Variants in HTR2C observed in about 807,000 individuals in gnomAD.
The protein encoded by HTR2C is 5-hydroxytryptamine receptor 2C, also known as 5-hydroxytryptamine (serotonin) receptor 2C, G protein-coupled.
Under a neutral mutation model 21.0 loss-of-function variants are expected in HTR2C, and 5 were observed. The observed-to-expected ratio is 0.24, with a 90% CI of 0.12 to 0.50. The LOEUF (loss-of-function observed/expected upper bound fraction) is 0.50. Among genes scored for constraint, HTR2C ranks in the 20% least tolerant of loss-of-function variants. The pLI, the probability that HTR2C is intolerant of heterozygous loss-of-function variation, is 0.98. For missense variants in HTR2C, 271 were observed against 371.2 expected (o/e 0.73, Z 2.22); for synonymous variants, 150 against 145.3 (o/e 1.03, Z -0.23).
rs782646883 is a variant in HTR2C at position 114,647,830 on chromosome X, A to G, written c.-80+33949A>G. Among the ~76,000 whole-genome samples the G allele has an allele frequency of 1.8e-4, 20 of 111,571 alleles. No homozygotes were observed. The South Asian group carries it at 7.2e-3, about 40-fold the overall frequency. On this transcript the variant is annotated intron_variant, in intron 2 of 5. Transcript: ENST00000276198. ...CATAAAAAGAGGTCAGAGACATTGCAGGCAGAGGACATAGCATGTGCCAAA... is the reference window on the plus strand; with the variant it reads ...CATAAAAAGAGGTCAGAGACATTGCGGGCAGAGGACATAGCATGTGCCAAA...
At chrX:114,626,127 G>A (rs782427506) in intron 2 of HTR2C, among the ~76,000 whole-genome samples, 69 of 109,945 alleles carry the variant, frequency 6.3e-4, no homozygotes, top group African/African-American at 2.0e-3. Flanking sequence ...TGATATTTAC[G>A]GTAGCTCTTC....
At chrX:114,849,685 G>T (rs1447936164) in intron 5 of HTR2C, among the ~76,000 whole-genome samples, 1 of 111,920 alleles carries the variant, frequency 8.9e-6, no homozygotes, top group Non-Finnish European at 1.9e-5. Flanking sequence ...CATAGACATG[G>T]AATTCAGCCC....
chrX:114,878,157 T>G (rs1198288666), intron 5 of HTR2C, among the ~76,000 whole-genome samples: 1 of 110,808 alleles, frequency 9.0e-6, no homozygotes, highest in African/African-American at 3.3e-5. Context: ...AGCATATATA[T>G]TTACCATTGT....
chrX:114,675,992 C>T (rs1931547361), intron 2 of HTR2C, among the ~76,000 whole-genome samples: 1 of 108,593 alleles, frequency 9.2e-6, no homozygotes, highest in Non-Finnish European at 1.9e-5. Flanking sequence ...GCCTCGGCCC[C>T]CCAAGTAGTT....
intron 4 of HTR2C, among the ~76,000 whole-genome samples, chrX:114,761,338 T>A: frequency 9.0e-6 from 1 of 110,989 alleles, no homozygotes; most frequent in Non-Finnish European, 1.9e-5. Flanking sequence ...AAGGGTTGTT[T>A]TTTATCAAAA....
At chrX:114,845,825 C>T (rs1556467207) in intron 4 of HTR2C, among the ~76,000 whole-genome samples, 1 of 108,303 alleles carries the variant, frequency 9.2e-6, no homozygotes, top group African/African-American at 3.4e-5. Context: ...GCCTAGGCAA[C>T]ATGGTGAAAA....
At chrX:114,756,470 A>G (rs2069814733) in intron 4 of HTR2C, among the ~76,000 whole-genome samples, 1 of 111,982 alleles carries the variant, frequency 8.9e-6, no homozygotes, top group Non-Finnish European at 1.9e-5. Flanking sequence ...AAGCTGTGGT[A>G]CCTCCATACC....
At chrX:114,885,929 T>G (rs909651514) in intron 5 of HTR2C, among the ~76,000 whole-genome samples, 5 of 111,621 alleles carry the variant, frequency 4.5e-5, no homozygotes, top group East Asian at 2.8e-4. Context: ...TGACTACTTG[T>G]TCTTTAAAAT....
Position 114,595,375 on chromosome X carries a change from G to A in HTR2C, c.-147+10716G>A, listed in dbSNP as rs1927791200. On this transcript the variant is annotated intron_variant, in intron 1 of 5. Transcript: ENST00000276198. Reference sequence around the variant, plus strand: ...TGGAACTGTAGGTGTGTGTCACCGTGCCCAGGTTGTTGTTGTTGTTGTTGT... The same window carrying A: ...TGGAACTGTAGGTGTGTGTCACCGTACCCAGGTTGTTGTTGTTGTTGTTGT... Among the ~76,000 whole-genome samples the A allele has an allele frequency of 9.3e-5, 5 of 53,709 alleles. No homozygotes were observed. In the South Asian group the frequency reaches 7.1e-3, roughly 77 times the overall value. 46.6% of individuals were successfully genotyped at this position (53,709 alleles called of 115,157 possible).
chrX:114,699,017 G>A (rs1556416300), intron 2 of HTR2C, among the ~76,000 whole-genome samples: 1 of 111,539 alleles, frequency 9.0e-6, no homozygotes, highest in African/African-American at 3.3e-5. Context: ...ATTAAAAGTG[G>A]CCACAGAGGG....
chrX:114,666,865 T>C (rs1459824187), intron 2 of HTR2C, among the ~76,000 whole-genome samples: 4 of 111,930 alleles, frequency 3.6e-5, no homozygotes, highest in African/African-American at 1.3e-4. Flanking sequence ...TATGCTTGTC[T>C]TGAATAATCT....
intron 4 of HTR2C, among the ~76,000 whole-genome samples, chrX:114,737,641 AAAAT>A (rs1379189151): frequency 8.9e-6 from 1 of 112,379 alleles, no homozygotes; most frequent in African/African-American, 3.2e-5. Flanking sequence ...ATCATAGAAA[AAAAT>A]AAATTTTGTA....
chrX:114,716,439 T>C (rs782537731), intron 2 of HTR2C, among the ~76,000 whole-genome samples: 3 of 111,404 alleles, frequency 2.7e-5, no homozygotes, highest in South Asian at 7.4e-4. Context: ...ATTTAGTAAA[T>C]ACAAATGAGG....
intron 2 of HTR2C, among the ~76,000 whole-genome samples, chrX:114,671,331 A>G (rs1447158893): frequency 4.4e-5 from 5 of 112,479 alleles, no homozygotes; most frequent in African/African-American, 1.6e-4. Context: ...GCAATTAAAT[A>G]GAAATATAGT....
intron 4 of HTR2C, among the ~76,000 whole-genome samples, chrX:114,847,571 A>C (rs1420992747): frequency 1.1e-5 from 1 of 89,850 alleles, no homozygotes; most frequent in Non-Finnish European, 2.2e-5. Flanking sequence ...CATGTACCCT[A>C]AAACTTAAAG....
rs922414740 is a variant in HTR2C, at chrX:114,618,526, C to A, written c.-80+4645C>A. On this transcript the variant is annotated intron_variant, in intron 2 of 5. Transcript: ENST00000276198. ...AGTAACTGTACCAAGTAAATTAATA[C>A]ATGTCTTATAAGAGGATATTATGCT... 7.2e-5 allele frequency among the ~76,000 whole-genome samples: 8 copies of A among 111,786 alleles called. No homozygotes were observed. In the Admixed American group the frequency reaches 7.6e-4, roughly 11 times the overall value.
intron 4 of HTR2C, among the ~76,000 whole-genome samples, chrX:114,744,749 G>C (rs1569490350): frequency 9.0e-6 from 1 of 111,539 alleles, no homozygotes; most frequent in Non-Finnish European, 1.9e-5. Flanking sequence ...ACCGCACTCA[G>C]CCCCCCAAAG....
chrX:114,827,503 T>G (rs2070688262), intron 4 of HTR2C, among the ~76,000 whole-genome samples: 1 of 111,487 alleles, frequency 9.0e-6, no homozygotes, highest in African/African-American at 3.3e-5. Flanking sequence ...AATTATTATA[T>G]TTTCTAAGAT....
At chrX:114,857,490 C>T (rs1237791918) in intron 5 of HTR2C, among the ~76,000 whole-genome samples, 1 of 111,266 alleles carries the variant, frequency 9.0e-6, no homozygotes, top group African/African-American at 3.3e-5. Context: ...TAATTCCCTA[C>T]TGACTCATAA....
Sources: allele counts gnomAD v4.1 joint callset (sites outside exome capture counted in the v4.1 genomes callset), GRCh38; gene constraint gnomAD v4.1.1; transcripts MANE v1.5; gene names NCBI Gene and HGNC (gene_info 2026-07-23, HGNC 2026-07-21).